Variants in WDR49 observed in about 807,000 individuals in gnomAD.
WDR49 encodes the protein WD repeat domain 49.
WDR49 carries 107 observed loss-of-function variants against 119.5 expected under a neutral mutation model. The observed-to-expected ratio is 0.90, with a 90% CI of 0.77 to 1.05. The LOEUF (loss-of-function observed/expected upper bound fraction) is 1.05. Ranked by LOEUF, WDR49 falls within the 50% of genes least tolerant of loss-of-function variation. The pLI, the probability that WDR49 is intolerant of heterozygous loss-of-function variation, is 0.00. For missense variants in WDR49, 1,240 were observed against 1,220.5 expected (o/e 1.02, Z -0.24); for synonymous variants, 425 against 418.8 (o/e 1.01, Z -0.18).
chr3:167,537,565 G>A (rs1056424620), intron 10 of WDR49, among the ~76,000 whole-genome samples: 10 of 152,126 alleles, frequency 6.6e-5, no homozygotes, highest in African/African-American at 2.2e-4. Context: ...CCCCAAAGAA[G>A]TAGGACATAG....
At chr3:167,578,120 TTA>T (rs1714343177) in intron 7 of WDR49, among the ~76,000 whole-genome samples, 1 of 152,160 alleles carries the variant, frequency 6.6e-6, no homozygotes, top group Non-Finnish European at 1.5e-5. Context: ...TTTCTCCAGG[TTA>T]AATGATCCCA....
intron 18 of WDR49, among the ~76,000 whole-genome samples, chr3:167,492,672 T>G (rs1751190306): frequency 6.6e-6 from 1 of 152,160 alleles, no homozygotes; most frequent in Admixed American, 6.6e-5. Flanking sequence ...TTGAGGAAAC[T>G]AAGGCACAGA....
chr3:167,522,383 C>T lies in WDR49; in HGVS notation c.2706G>A (p.Glu902=). The change falls in exon 16 of 19, where the codon GAG becomes GAA. Residue 902 remains glutamate, a synonymous_variant. Transcript: ENST00000682715. ...GTTCTGTTGGGTCTAAACAAGATTC[C>T]TCCTTAGAAAATAAAGAAATTTCCT... is the stretch of plus-strand genomic sequence containing the variant. ...IQKEISLFSK[E]ESCLDPTEHS... 6.2e-7 allele frequency: 1 copy of T among 1,610,032 alleles called. No homozygotes were observed. The highest frequency in any genetic ancestry group is 8.5e-7 in the Non-Finnish European group (1 of 1,178,714).
intron 18 of WDR49, among the ~76,000 whole-genome samples, chr3:167,498,241 A>C (rs575259793): frequency 1.7e-4 from 26 of 152,220 alleles, no homozygotes; most frequent in Non-Finnish European, 3.2e-4. Context: ...GCTGTAGAGA[A>C]GTTTAAACCT....
intron 2 of WDR49, among the ~76,000 whole-genome samples, chr3:167,642,832 G>A (rs1412468340): frequency 6.6e-6 from 1 of 151,890 alleles, no homozygotes; most frequent in African/African-American, 2.4e-5. Context: ...TGGCTTGAAG[G>A]GGTCTCACAC....
chr3:167,536,400 C>T (rs571820558), intron 11 of WDR49, among the ~76,000 whole-genome samples: 7 of 151,868 alleles, frequency 4.6e-5, no homozygotes, highest in South Asian at 2.1e-4. Flanking sequence ...AATATATGGC[C>T]GGGCACAGTG....
chr3:167,619,873 C>G (rs1383457190), intron 5 of WDR49, among the ~76,000 whole-genome samples: 1 of 151,806 alleles, frequency 6.6e-6, no homozygotes, highest in Non-Finnish European at 1.5e-5. Flanking sequence ...TAAGAAAGTT[C>G]TTGTTTTCTG....
At chr3:167,541,026 A>G (rs6787657) in intron 10 of WDR49, among the ~76,000 whole-genome samples, 39,053 of 151,938 alleles carry the variant, frequency 0.26, 5,314 homozygotes, top group South Asian at 0.31. Context: ...AAAAAAATGA[A>G]TAAAGACTCC....
In WDR49 at chr3:167,629,543, C is replaced by A. The variant is rs1717275648; in HGVS notation, c.166-2251G>T. Among the ~76,000 whole-genome samples the A allele has an allele frequency of 2.6e-5, 4 of 152,184 alleles. No individual in the cohort carries two copies. The South Asian group carries it at 8.3e-4, about 32-fold the overall frequency. ...AAGAAATAACTTCCAGCCTTCAATT[C>A]TGATTATTTAAAAAATATCTTTTAT... On this transcript the variant is annotated intron_variant, in intron 2 of 18. Transcript: ENST00000682715.
chr3:167,522,585 G>T, intron 15 of WDR49, 101 bp from the exon 16 acceptor site: 1 of 1,200,494 alleles, frequency 8.3e-7, no homozygotes, highest in Non-Finnish European at 1.1e-6. Context: ...AAAGTCCTGG[G>T]GTGGGACACA....
chr3:167,515,310 C>T (rs561585691), intron 16 of WDR49, among the ~76,000 whole-genome samples: 2 of 152,236 alleles, frequency 1.3e-5, no homozygotes, highest in Non-Finnish European at 2.9e-5. Context: ...GGCTTCATCC[C>T]CAGGATTCAA....
intron 7 of WDR49, among the ~76,000 whole-genome samples, chr3:167,585,642 C>G (rs934529884): frequency 2.0e-5 from 3 of 151,688 alleles, no homozygotes; most frequent in Non-Finnish European, 4.4e-5. Context: ...TCATATGATA[C>G]CATTTACATA....
At chr3:167,558,695 T>C (rs1713091599) in intron 9 of WDR49, among the ~76,000 whole-genome samples, 1 of 152,204 alleles carries the variant, frequency 6.6e-6, no homozygotes, top group Non-Finnish European at 1.5e-5. Context: ...TGCAAAGATC[T>C]GAATGTCCCC....
At chr3:167,648,929 AT>A (rs1718250516) in intron 2 of WDR49, among the ~76,000 whole-genome samples, 1 of 152,216 alleles carries the variant, frequency 6.6e-6, no homozygotes, top group South Asian at 2.1e-4. Context: ...TGCATACACT[AT>A]AAAAAATATT....
At chr3:167,521,919 T>C (rs1008247127) in intron 16 of WDR49, among the ~76,000 whole-genome samples, 1 of 152,042 alleles carries the variant, frequency 6.6e-6, no homozygotes, top group African/African-American at 2.4e-5. Context: ...CATAAACCGC[T>C]GTGCACTTTA....
chr3:167,497,533 C>T (rs1938777624), intron 18 of WDR49, among the ~76,000 whole-genome samples: 1 of 152,154 alleles, frequency 6.6e-6, no homozygotes, highest in African/African-American at 2.4e-5. Context: ...TTTCCCTGCC[C>T]ATATGAAGAA....
At chr3:167,653,160 A>T in intron 2 of WDR49, 101 bp downstream of exon 2, 2 of 1,281,696 alleles carry the variant, frequency 1.6e-6, no homozygotes, top group Non-Finnish European at 2.2e-6. Context: ...TATAACAATT[A>T]AGTGTATTTT....
In WDR49 at chr3:167,495,336, AAAACTGAAAG is replaced by A. The variant is rs1560249504; in HGVS notation, c.3031+4807_3031+4816del. On this transcript the variant is annotated intron_variant, in intron 18 of 18. Coordinates refer to ENST00000682715, the MANE Select transcript of WDR49 (RefSeq NM_001366157.1). ...ATAAAAGAGATTCAAGTGGCATTCT[AAAACTGAAAG>A]TATATAAATATGTGTGTATATATAT... 5.0e-4 allele frequency among the ~76,000 whole-genome samples: 62 copies of A among 125,052 alleles called. 1 individual carries two copies. Among genetic ancestry groups the A allele is most frequent in the African/African-American group, 1.9e-3 (48 of 25,692 alleles). 82.0% of individuals were successfully genotyped at this position (125,052 alleles called of 152,430 possible). A position where few individuals can be genotyped will look rare whatever the true frequency, so the allele number is the denominator to read the frequency against.
Position 167,532,880 on chromosome 3 carries a change from T to C in WDR49, c.2052A>G (p.Leu684=). The part of the protein sequence containing the change: ...PDYQRLLKSK[L]DTKPQKLLSA... ...TTTTCGTTTCAAACTCACACTTACC[T>C]AATTTTGACTTTAGCAACCTCTGGT... The change falls in exon 12 of 19, where the codon TTA becomes TTG. Residue 684 remains leucine (L), a splice_region_variant and synonymous_variant. Coordinates refer to ENST00000682715, the MANE Select transcript of WDR49 (RefSeq NM_001366157.1). 8.7e-6 allele frequency: 14 copies of C among 1,607,852 alleles called. No individual in the cohort carries two copies. Among genetic ancestry groups the C allele is most frequent in the Non-Finnish European group, 1.1e-5 (13 of 1,176,002 alleles).
Sources: gnomAD v4.1 joint callset for allele counts (sites outside exome capture counted in the v4.1 genomes callset) on GRCh38, gnomAD v4.1.1 for gene constraint, MANE v1.5 for transcripts, NCBI Gene and HGNC (gene_info 2026-07-23, HGNC 2026-07-21) for gene names.